The following PARP16 variants were observed in gnomAD, a reference collection of about 807,000 sequenced individuals.
PARP16 encodes the protein protein mono-ADP-ribosyltransferase PARP16.
Under a neutral mutation model 35.0 loss-of-function variants are expected in PARP16, and 31 were observed. The observed-to-expected ratio is 0.88, with a 90% confidence interval of 0.66 to 1.19. The LOEUF is 1.19. Among genes scored for constraint, PARP16 ranks in the 50% most tolerant of loss-of-function variants. The probability of loss-of-function intolerance (pLI) is 0.00; values close to 1 mark genes in which losing one functional copy is unlikely to be tolerated. For missense variants in PARP16, 424 were observed against 411.2 expected, an observed-to-expected ratio of 1.03 and a Z score of -0.27; for synonymous variants, 162 against 169.5, an observed-to-expected ratio of 0.96 and a Z score of 0.34.
chr15:65,271,139 T>A, intron 1 of PARP16, 67 bp from the exon 2 acceptor site: 1 of 1,529,718 alleles, frequency 6.5e-7, no homozygotes, highest in African/African-American at 1.4e-5. Flanking sequence ...GGCCCTCTAG[T>A]GGGAAGGCAG....
chr15:65,285,396 C>A, intron 1 of PARP16: 1 of 201,250 alleles, frequency 5.0e-6, no homozygotes, highest in Non-Finnish European at 1.0e-5. Context: ...GCCTTGGCCT[C>A]CCAAAGTGCT....
chr15:65,235,758 T>C (rs1203861759), intron 3 of PARP16, among the ~76,000 whole-genome samples: 1 of 151,426 alleles, frequency 6.6e-6, no homozygotes, highest in Non-Finnish European at 1.5e-5. Context: ...AGTGAGCTGT[T>C]TAATCGCTCA....
chr15:65,252,053 T>G (rs1309648116), intron 2 of PARP16, among the ~76,000 whole-genome samples: 2 of 152,002 alleles, frequency 1.3e-5, no homozygotes, highest in Non-Finnish European at 2.9e-5. Context: ...TGTAAGCCAC[T>G]GCACCCGGCC....
downstream of PARP16, among the ~76,000 whole-genome samples, chr15:65,257,232 C>A (rs1358078458): frequency 1.3e-5 from 2 of 152,134 alleles, no homozygotes; most frequent in Non-Finnish European, 2.9e-5. Flanking sequence ...GCCTGGCCAA[C>A]ATGGTAAAAC....
chr15:65,258,396 C>G lies in PARP16; in HGVS notation c.*1011G>C, dbSNP rs2089578703. 1 of 152,234 alleles carries G rather than the reference C, an allele frequency of 6.6e-6. No individual in the cohort carries two copies. Among genetic ancestry groups the G allele is most frequent in the Non-Finnish European group, 1.5e-5 (1 of 68,046 alleles). 9.4% of individuals were successfully genotyped at this position (152,234 alleles called of 1,614,324 possible). Reference sequence around the variant, plus strand: ...TGACCCCTCTGAAGGAGGCTCCATCCACATGGATCTGTGGCACACTGGGGC... The same window carrying G: ...TGACCCCTCTGAAGGAGGCTCCATCGACATGGATCTGTGGCACACTGGGGC... On this transcript the variant is annotated 3_prime_UTR_variant, in exon 6 of 6. Coordinates refer to ENST00000649807, the MANE Select transcript of PARP16 (RefSeq NM_001316943.2).
intron 3 of PARP16, among the ~76,000 whole-genome samples, chr15:65,265,212 G>A (rs924531750): frequency 6.6e-6 from 1 of 152,252 alleles, no homozygotes; most frequent in African/African-American, 2.4e-5. Context: ...ATGACTGGGG[G>A]AAAGGCCTGC....
At chr15:65,253,790 G>C (rs1249108838), downstream of PARP16, among the ~76,000 whole-genome samples, 4 of 152,038 alleles carry the variant, frequency 2.6e-5, no homozygotes, top group Non-Finnish European at 5.9e-5. Context: ...TGTCCTCAAG[G>C]AGCTTGCAGT....
chr15:65,256,121 T>C (rs752968963), downstream of PARP16, among the ~76,000 whole-genome samples: 2 of 152,220 alleles, frequency 1.3e-5, no homozygotes, highest in Admixed American at 6.5e-5. Context: ...TTGGCTTCCA[T>C]GACACTTGGC....
intron 1 of PARP16, among the ~76,000 whole-genome samples, chr15:65,274,340 C>G (rs1330411405): frequency 6.6e-6 from 1 of 151,184 alleles, no homozygotes; most frequent in African/African-American, 2.4e-5. Context: ...GTGGGCGGAG[C>G]TCTTCAGTTC....
chr15:65,271,031 GAGA>G lies in PARP16; in HGVS notation c.213_215del (p.Leu72del), dbSNP rs1567031442. The G allele has an allele frequency of 5.6e-6, 9 of 1,613,956 alleles. No homozygotes were observed. The highest frequency in any genetic ancestry group is 1.7e-5 in the Admixed American group (1 of 59,998). ...GTTTGTGGTTGTCTCCGGAGGACTG[GAGA>G]AGTTCTTTCAGGTTAGGTAACTTGC... On this transcript the variant is annotated inframe_deletion, in exon 2 of 6. Transcript: ENST00000649807.
At chr15:65,240,313 G>GTGTGTGT (rs36061056) in intron 3 of PARP16, among the ~76,000 whole-genome samples, 1 of 92,462 alleles carries the variant, frequency 1.1e-5, no homozygotes, top group Admixed American at 1.4e-4. Flanking sequence ...TGTGTGTGGT[G>GTGTGTGT]GGGGGGGCTA....
rs116203036 is a variant in PARP16, at chr15:65,268,943, C to T, written c.312+1992G>A. ...CTAATTTTTGTATTTTTATTAGAGA[C>T]GAAGCTTCATCATTTTGGCCAGGCT... On this transcript the variant is annotated intron_variant, in intron 2 of 5. Coordinates refer to ENST00000649807, the MANE Select transcript of PARP16 (RefSeq NM_001316943.2). 2.0e-3 allele frequency among the ~76,000 whole-genome samples: 300 copies of T among 151,508 alleles called. 1 individual carries two copies. The highest frequency in any genetic ancestry group is 6.8e-3 in the African/African-American group (282 of 41,270).
At chr15:65,253,325 A>C (rs118118206), downstream of PARP16, among the ~76,000 whole-genome samples, 365 of 151,730 alleles carry the variant, frequency 2.4e-3, 16 homozygotes, top group East Asian at 0.065. Flanking sequence ...TTTCTCGTCT[A>C]ATTTCATTCT....
chr15:65,257,607 G>A (rs1312576717), downstream of PARP16, among the ~76,000 whole-genome samples: 8 of 142,296 alleles, frequency 5.6e-5, no homozygotes. Flanking sequence ...TCCAGCCTGA[G>A]TGACAGAGCA....
chr15:65,282,891 G>A (rs1183550781), intron 1 of PARP16, among the ~76,000 whole-genome samples: 2 of 152,196 alleles, frequency 1.3e-5, no homozygotes, highest in Non-Finnish European at 1.5e-5. Flanking sequence ...GAGGGATAGA[G>A]TGAGATCTAT....
rs543818453 is a variant in PARP16, at chr15:65,259,210, T to C, written c.*197A>G. ...CCCCTAAAACCTAAGAGTGAGGGACTAGTAGTCCCCGTTGACTGGAGTATG... is the reference window on the plus strand; with the variant it reads ...CCCCTAAAACCTAAGAGTGAGGGACCAGTAGTCCCCGTTGACTGGAGTATG... On this transcript the variant is annotated 3_prime_UTR_variant, in exon 6 of 6. Transcript: ENST00000649807. 6.3e-6 allele frequency: 4 copies of C among 632,866 alleles called. No homozygotes were observed. Among genetic ancestry groups the C allele is most frequent in the South Asian group, 6.0e-5 (3 of 50,034 alleles). 39.2% of individuals were successfully genotyped at this position (632,866 alleles called of 1,614,324 possible). A position where few individuals can be genotyped will look rare whatever the true frequency, so the allele number is the denominator to read the frequency against.
chr15:65,271,005 CG>C lies in PARP16; in HGVS notation c.241del (p.Arg81GlyfsTer6). 2 of 1,614,008 alleles carry C rather than the reference CG, an allele frequency of 1.2e-6. No individual in the cohort carries two copies. The highest frequency in any genetic ancestry group is 1.7e-6 in the Non-Finnish European group (2 of 1,179,918). ...LLQSSGDNHKRAWDLVSWILS... is the reference protein window; with the variant it reads ...LLQSSGDNHKXAWDLVSWILS... ...AATCCAGCTCACCAGGTCCCAGGCC[CG>C]TTTGTGGTTGTCTCCGGAGGACTGG... On this transcript the variant is annotated frameshift_variant, in exon 2 of 6. Coordinates refer to ENST00000649807, the MANE Select transcript of PARP16 (RefSeq NM_001316943.2). LOFTEE classifies it high-confidence loss of function.
chr15:65,262,162 T>G (rs2089748620), intron 4 of PARP16, among the ~76,000 whole-genome samples: 1 of 149,338 alleles, frequency 6.7e-6, no homozygotes. Flanking sequence ...GGATGGAGTC[T>G]CGCTCTGTTG....
chr15:65,266,979 C>T (rs561773746), intron 2 of PARP16, among the ~76,000 whole-genome samples: 1 of 152,282 alleles, frequency 6.6e-6, no homozygotes, highest in East Asian at 1.9e-4. Flanking sequence ...TGGTGGCTCA[C>T]ACCTGTAATC....
Sources: gnomAD v4.1 joint callset for allele counts (sites outside exome capture counted in the v4.1 genomes callset) on GRCh38, gnomAD v4.1.1 for gene constraint, MANE v1.5 for transcripts, NCBI Gene and HGNC (gene_info 2026-07-23, HGNC 2026-07-21) for gene names.